The following APBB2 variants were observed in gnomAD, a reference collection of about 807,000 sequenced individuals.
APBB2 encodes the protein Fe65-like 1.
A neutral mutation model predicts 82.5 loss-of-function variants in APBB2; 38 were observed. The observed-to-expected ratio is 0.46, with a 90% CI of 0.36 to 0.60. The LOEUF (loss-of-function observed/expected upper bound fraction) is 0.60. Among genes scored for constraint, APBB2 ranks in the 20% least tolerant of loss-of-function variants. The pLI, the probability that APBB2 is intolerant of heterozygous loss-of-function variation, is 0.00. For missense variants in APBB2, 772 were observed against 972.3 expected, an observed-to-expected ratio of 0.79 and a Z score of 2.74; for synonymous variants, 341 against 368.2, an observed-to-expected ratio of 0.93 and a Z score of 0.85.
chr4:41,136,363 C>A (rs531902006), intron 2 of APBB2, among the ~76,000 whole-genome samples: 1 of 152,296 alleles, frequency 6.6e-6, no homozygotes, highest in South Asian at 2.1e-4. Context: ...TTAAAAGTTT[C>A]ATAACACCTA....
At chr4:40,904,114 C>T (rs973340411) in intron 10 of APBB2, among the ~76,000 whole-genome samples, 2 of 151,932 alleles carry the variant, frequency 1.3e-5, no homozygotes, top group South Asian at 2.1e-4. Flanking sequence ...AGGGTCTTTT[C>T]ACCACCCAGG....
At chr4:40,845,546 C>A (rs1757221993) in intron 12 of APBB2, among the ~76,000 whole-genome samples, 1 of 131,338 alleles carries the variant, frequency 7.6e-6, no homozygotes, top group Non-Finnish European at 1.6e-5. Context: ...AACAGAAGTA[C>A]CTGGCATGTG....
At chr4:40,914,045 G>A (rs1779224145) in intron 10 of APBB2, among the ~76,000 whole-genome samples, 2 of 152,054 alleles carry the variant, frequency 1.3e-5, no homozygotes, top group Admixed American at 1.3e-4. Flanking sequence ...AGACCAGCCT[G>A]GCCAACACGG....
chr4:41,209,930 G>C (rs146601538), intron 1 of APBB2, among the ~76,000 whole-genome samples: 34 of 152,324 alleles, frequency 2.2e-4, no homozygotes, highest in African/African-American at 7.5e-4. Context: ...AGCGTTCATG[G>C]AAGACAATTT....
chr4:41,105,303 T>TAGGTGC (rs1444278737), intron 2 of APBB2, among the ~76,000 whole-genome samples: 21 of 152,224 alleles, frequency 1.4e-4, no homozygotes, highest in Non-Finnish European at 2.5e-4. Context: ...TGCTTTTGTA[T>TAGGTGC]TTTTTAGCAT....
intron 10 of APBB2, among the ~76,000 whole-genome samples, chr4:40,921,926 TC>T (rs1002829397): frequency 3.9e-5 from 6 of 152,188 alleles, no homozygotes; most frequent in Admixed American, 1.3e-4. Context: ...TTCTGCCCCT[TC>T]CTGAGCAGCG....
chr4:40,978,318 G>C (rs1170428539), intron 6 of APBB2, among the ~76,000 whole-genome samples: 2 of 152,170 alleles, frequency 1.3e-5, no homozygotes, highest in Non-Finnish European at 2.9e-5. Flanking sequence ...TTTTTATTTG[G>C]TAACAGTCAC....
At chr4:40,900,845 T>C (rs570403690) in intron 10 of APBB2, among the ~76,000 whole-genome samples, 1 of 151,956 alleles carries the variant, frequency 6.6e-6, no homozygotes, top group South Asian at 2.1e-4. Flanking sequence ...ACAGATTAAT[T>C]CATTCATTCA....
intron 5 of APBB2, among the ~76,000 whole-genome samples, chr4:41,022,934 T>C (rs951149): frequency 0.62 from 94,556 of 151,950 alleles, 29,713 homozygotes; most frequent in East Asian, 0.71. Context: ...AGAGAAAGGG[T>C]GATCAATGAT....
rs117166598 is a variant in APBB2, at chr4:40,887,338, G to A, written c.1529+3026C>T. On this transcript the variant is annotated intron_variant, in intron 12 of 17. Transcript: ENST00000508593. ...TGCAGAAAGATTTTGCGCCCTTCAT[G>A]TCTGGTATAATACACACTTCTCTTA... Among the ~76,000 whole-genome samples the A allele has an allele frequency of 2.9e-4, 44 of 152,324 alleles. No individual in the cohort carries two copies. The East Asian group carries it at 6.2e-3, about 21-fold the overall frequency.
chr4:41,143,179 C>G (rs1759721196), intron 1 of APBB2, 37 bp from the exon 2 acceptor site: 1 of 152,174 alleles, frequency 6.6e-6, no homozygotes, highest in Admixed American at 6.5e-5. Flanking sequence ...TATAAGGACT[C>G]AAAGTCATCA....
intron 3 of APBB2, among the ~76,000 whole-genome samples, chr4:41,076,134 G>A (rs929686900): frequency 4.6e-5 from 7 of 152,330 alleles, no homozygotes; most frequent in Non-Finnish European, 7.3e-5. Context: ...CCAATGATGA[G>A]TGAATTTTCA....
At chr4:41,210,973 G>A (rs1779174078) in intron 1 of APBB2, among the ~76,000 whole-genome samples, 1 of 152,138 alleles carries the variant, frequency 6.6e-6, no homozygotes, top group African/African-American at 2.4e-5. Context: ...GCACTGAACA[G>A]ACCAGGCGTG....
chr4:40,922,675 A>G (rs1442016989), intron 10 of APBB2, among the ~76,000 whole-genome samples: 3 of 152,078 alleles, frequency 2.0e-5, no homozygotes, highest in Admixed American at 6.5e-5. Context: ...CAGTGGCGCA[A>G]TCTCGGCTCT....
chr4:41,208,592 AC>A (rs1778552437), intron 1 of APBB2, among the ~76,000 whole-genome samples: 1 of 152,124 alleles, frequency 6.6e-6, no homozygotes, highest in Admixed American at 6.5e-5. Context: ...CTTAAAAAAA[AC>A]GACACTCTTC....
In APBB2 at chr4:41,065,165, A is replaced by G. The variant is rs76974479; in HGVS notation, c.-51+411T>C. ...TAGCCAGGCACGGTGGCACATCTGT[A>G]GTCCCAATTGCACCGTAAGCTAAGG... On this transcript the variant is annotated intron_variant, in intron 4 of 17. Coordinates refer to ENST00000508593, the MANE Select transcript of APBB2 (RefSeq NM_004307.2). Among the ~76,000 whole-genome samples, 1,286 of 152,242 alleles carry G rather than the reference A, an allele frequency of 8.4e-3. 7 individuals carry two copies. Among genetic ancestry groups the G allele is most frequent in the Middle Eastern group, 0.017 (5 of 294 alleles).
At position 41,116,455 on chromosome 4, in the gene APBB2, A is replaced by C. The variant is rs532605670; in HGVS notation, c.-260-15705T>G. On this transcript the variant is annotated intron_variant, in intron 2 of 17. Transcript: ENST00000508593. ...TTCTGCACATGTACCCCAGAACTTA[A>C]AAGTATAACTTAAAAAAATACAAAA... is the stretch of plus-strand genomic sequence containing the variant. Among the ~76,000 whole-genome samples, 8 of 152,274 alleles carry C rather than the reference A, an allele frequency of 5.3e-5. No homozygotes were observed. The East Asian group carries it at 1.4e-3, about 26-fold the overall frequency.
intron 1 of APBB2, among the ~76,000 whole-genome samples, chr4:41,202,356 T>C (rs1034575837): frequency 6.6e-6 from 1 of 152,228 alleles, no homozygotes; most frequent in Non-Finnish European, 1.5e-5. Flanking sequence ...CATATGCCAG[T>C]TCTCTTTTGT....
intron 4 of APBB2, among the ~76,000 whole-genome samples, chr4:41,049,572 A>G (rs1227854742): frequency 2.7e-5 from 4 of 147,488 alleles, no homozygotes; most frequent in South Asian, 2.2e-4. Flanking sequence ...GCCTCTGCCC[A>G]ACCGCCCCTT....
Sources: allele counts gnomAD v4.1 joint callset (sites outside exome capture counted in the v4.1 genomes callset), GRCh38; gene constraint gnomAD v4.1.1; transcripts MANE v1.5; gene names NCBI Gene and HGNC (gene_info 2026-07-23, HGNC 2026-07-21).